Variants in ANO6 observed in about 807,000 individuals in gnomAD.
ANO6 encodes the protein anoctamin 6, also known as anoctamin-6.
A neutral mutation model predicts 117.5 loss-of-function variants in ANO6; 106 were observed. That is an observed-to-expected ratio of 0.90 (90% confidence interval 0.77 to 1.06). The LOEUF (loss-of-function observed/expected upper bound fraction) is 1.06, where lower values mean the gene tolerates loss of function less well. Ranked by LOEUF, ANO6 falls within the 50% of genes least tolerant of loss-of-function variation. The pLI is 0.00. For synonymous variants in ANO6, 367 were observed against 385.1 expected (o/e 0.95, Z 0.55); for missense variants, 955 against 1,121.1 (o/e 0.85, Z 2.12).
intron 1 of ANO6, among the ~76,000 whole-genome samples, chr12:45,228,601 C>T (rs1012357970): frequency 1.3e-5 from 2 of 151,984 alleles, no homozygotes; most frequent in Admixed American, 6.6e-5. Context: ...GTGAGAATCT[C>T]GTGGTTAGAG....
intron 1 of ANO6, among the ~76,000 whole-genome samples, chr12:45,238,351 A>G (rs1034917403): frequency 2.0e-5 from 3 of 151,864 alleles, no homozygotes; most frequent in Non-Finnish European, 2.9e-5. Flanking sequence ...GGGTTTCACC[A>G]TATTGGCCAG....
Position 45,277,852 on chromosome 12 carries a change from C to T in ANO6, c.71-24162C>T, listed in dbSNP as rs528267627. ...AATTTTGTGGATTTTTTTCTTTGAA[C>T]GCAGTACTTAGAAATTCCATAATGA... is the stretch of plus-strand genomic sequence containing the variant. On this transcript the variant is annotated intron_variant, in intron 1 of 19. Transcript: ENST00000320560. Among the ~76,000 whole-genome samples the T allele has an allele frequency of 1.3e-4, 20 of 152,128 alleles. No homozygotes were observed. In the East Asian group the frequency reaches 2.9e-3, roughly 22 times the overall value.
At chr12:45,298,091 G>A (rs1324866518) in intron 1 of ANO6, among the ~76,000 whole-genome samples, 1 of 152,274 alleles carries the variant, frequency 6.6e-6, no homozygotes, top group East Asian at 1.9e-4. Flanking sequence ...TCCCACTGAC[G>A]TATCAAGACC....
chr12:45,337,954 C>T (rs1164992249), intron 3 of ANO6, among the ~76,000 whole-genome samples: 6 of 151,572 alleles, frequency 4.0e-5, no homozygotes, highest in Admixed American at 2.0e-4. Flanking sequence ...TTTAAGGTCA[C>T]CTATGGAAAT....
At chr12:45,389,366 A>G (rs1460111670) in intron 11 of ANO6, among the ~76,000 whole-genome samples, 1 of 152,214 alleles carries the variant, frequency 6.6e-6, no homozygotes, top group South Asian at 2.1e-4. Flanking sequence ...ATATTCAGAA[A>G]TGAAAGCCAA....
At position 45,216,104 on chromosome 12, in the gene ANO6, G is replaced by T; in HGVS notation, c.-218G>T. 1 of 560,638 alleles carries T rather than the reference G, an allele frequency of 1.8e-6. No individual in the cohort carries two copies. The highest frequency in any genetic ancestry group is 3.1e-5 in the Admixed American group (1 of 31,884). 34.7% of individuals were successfully genotyped at this position (560,638 alleles called of 1,614,324 possible). ...CGCACTGGGCATGCTCAGTCTCCGG[G>T]CTCCGCTCGGCAGGCGAGAGGCGTC... On this transcript the variant is annotated 5_prime_UTR_variant, in exon 1 of 20. Coordinates refer to ENST00000320560, the MANE Select transcript of ANO6 (RefSeq NM_001025356.3).
chr12:45,403,836 AC>A (rs1253788340), intron 15 of ANO6, among the ~76,000 whole-genome samples: 3 of 152,214 alleles, frequency 2.0e-5, no homozygotes, highest in Non-Finnish European at 4.4e-5. Context: ...CCTTTGAGCG[AC>A]AGCACTGGTT....
intron 1 of ANO6, among the ~76,000 whole-genome samples, chr12:45,290,910 C>A (rs1368179775): frequency 2.0e-5 from 3 of 152,054 alleles, no homozygotes; most frequent in African/African-American, 7.2e-5. Flanking sequence ...CTACAGTGAT[C>A]AAAATAGTGT....
intron 16 of ANO6, 67 bp from the exon 17 acceptor site, chr12:45,416,632 A>G: frequency 1.3e-6 from 2 of 1,493,584 alleles, no homozygotes; most frequent in Non-Finnish European, 1.9e-6. Flanking sequence ...CTCTTTCAAG[A>G]GTAAAGGAAA....
intron 3 of ANO6, among the ~76,000 whole-genome samples, chr12:45,333,695 T>G (rs1473771197): frequency 6.6e-6 from 1 of 152,042 alleles, no homozygotes; most frequent in Non-Finnish European, 1.5e-5. Flanking sequence ...CAGACTGTAT[T>G]TGCACATATT....
At chr12:45,402,391 C>T (rs1942814716) in intron 13 of ANO6, among the ~76,000 whole-genome samples, 4 of 152,080 alleles carry the variant, frequency 2.6e-5, no homozygotes, top group Non-Finnish European at 5.9e-5. Context: ...AGAGGACAAG[C>T]TATCACACTG....
chr12:45,401,265 T>G (rs1169767648), intron 12 of ANO6, among the ~76,000 whole-genome samples: 1 of 152,218 alleles, frequency 6.6e-6, no homozygotes. Flanking sequence ...TAGCACCTGC[T>G]GACACTTCAA....
At chr12:45,349,892 G>A (rs576788541) in intron 6 of ANO6, among the ~76,000 whole-genome samples, 2 of 152,336 alleles carry the variant, frequency 1.3e-5, no homozygotes, top group African/African-American at 2.4e-5. Context: ...TGGGATGCCA[G>A]GGTTCTCTAA....
In ANO6 at chr12:45,216,201, C is replaced by T. The variant is rs1235249396; in HGVS notation, c.-121C>T. On this transcript the variant is annotated 5_prime_UTR_variant, in exon 1 of 20. Transcript: ENST00000320560. ...CCGGCGCTGGCTGGGCTCAGCGGCC[C>T]CTGAGCCCAAGCGACACACGCCCCG... 3 of 1,187,396 alleles carry T rather than the reference C, an allele frequency of 2.5e-6. No homozygotes were observed. The highest frequency in any genetic ancestry group is 5.2e-5 in the East Asian group (2 of 38,824). The allele number at this position is 1,187,396 out of a possible 1,614,324, so 73.6% of individuals were successfully genotyped here. A position where few individuals can be genotyped will look rare whatever the true frequency, so the allele number is the denominator to read the frequency against.
chr12:45,339,610 C>T (rs923524021), intron 3 of ANO6, among the ~76,000 whole-genome samples: 1 of 152,104 alleles, frequency 6.6e-6, no homozygotes, highest in Non-Finnish European at 1.5e-5. Flanking sequence ...ATACATTACT[C>T]AGTTGAGTAA....
At chr12:45,261,381 G>A (rs1433082775) in intron 1 of ANO6, among the ~76,000 whole-genome samples, 1 of 152,178 alleles carries the variant, frequency 6.6e-6, no homozygotes, top group Admixed American at 6.5e-5. Flanking sequence ...GATCTAAAGA[G>A]GGGAAAGGAA....
At chr12:45,315,157 T>C (rs986407085) in intron 2 of ANO6, among the ~76,000 whole-genome samples, 12 of 152,122 alleles carry the variant, frequency 7.9e-5, no homozygotes, top group African/African-American at 2.7e-4. Context: ...GCTAACACGA[T>C]AGCCACTGAC....
intron 13 of ANO6, among the ~76,000 whole-genome samples, chr12:45,402,693 C>T (rs552208940): frequency 6.6e-6 from 1 of 152,318 alleles, no homozygotes; most frequent in African/African-American, 2.4e-5. Flanking sequence ...AATAGACCTA[C>T]CTTATCGCAA....
At chr12:45,265,808 C>A (rs1938197335) in intron 1 of ANO6, among the ~76,000 whole-genome samples, 1 of 152,196 alleles carries the variant, frequency 6.6e-6, no homozygotes, top group Admixed American at 6.5e-5. Context: ...AATCTTATGT[C>A]CTGCAACTTC....
Sources: gnomAD v4.1 joint callset for allele counts (sites outside exome capture counted in the v4.1 genomes callset) on GRCh38, gnomAD v4.1.1 for gene constraint, MANE v1.5 for transcripts, NCBI Gene and HGNC (gene_info 2026-07-23, HGNC 2026-07-21) for gene names.